ST6GALNAC3: variants seen among roughly 807,000 people sequenced by gnomAD.
ST6GALNAC3 encodes the protein alpha-N-acetylgalactosaminide alpha-2,6-sialyltransferase 3.
ST6GALNAC3 carries 25 observed loss-of-function variants against 32.7 expected under a neutral mutation model. The ratio of observed to expected loss-of-function variants is 0.76; its 90% CI spans 0.56 to 1.07. The LOEUF is 1.07. Among genes scored for constraint, ST6GALNAC3 ranks in the 50% least tolerant of loss-of-function variants. ST6GALNAC3 has a pLI of 0.00. For missense variants in ST6GALNAC3, 355 were observed against 382.4 expected (o/e 0.93, Z 0.60); for synonymous variants, 129 against 133.1 (o/e 0.97, Z 0.21).
intron 1 of ST6GALNAC3, among the ~76,000 whole-genome samples, chr1:76,260,834 G>A (rs1658186463): frequency 6.6e-6 from 1 of 152,010 alleles, no homozygotes; most frequent in Non-Finnish European, 1.5e-5. Flanking sequence ...TTTAAAAGGA[G>A]GTTTTCTTTT....
chr1:76,545,395 T>C (rs942806675), intron 3 of ST6GALNAC3, among the ~76,000 whole-genome samples: 2 of 152,158 alleles, frequency 1.3e-5, no homozygotes, highest in African/African-American at 2.4e-5. Context: ...ATCACAGTAC[T>C]GTCATTCGTC....
At chr1:76,588,140 T>C (rs391393) in intron 3 of ST6GALNAC3, among the ~76,000 whole-genome samples, 25,982 of 152,062 alleles carry the variant, frequency 0.17, 3,098 homozygotes, top group African/African-American at 0.34. Flanking sequence ...CCTAAAGACA[T>C]CCTAAAAGAG....
At chr1:76,481,490 A>G (rs1055635902) in intron 3 of ST6GALNAC3, among the ~76,000 whole-genome samples, 9 of 152,062 alleles carry the variant, frequency 5.9e-5, no homozygotes, top group Non-Finnish European at 1.0e-4. Flanking sequence ...TCATTTTTAG[A>G]CTTCTATATT....
intron 3 of ST6GALNAC3, among the ~76,000 whole-genome samples, chr1:76,525,797 A>ATATATATATACATATATATATATATACG (rs1557528868): frequency 1.8e-5 from 1 of 55,144 alleles, no homozygotes; most frequent in Non-Finnish European, 3.2e-5. Context: ...GTGTGTATAT[A>ATATATATATACATATATATATATATACG]TATATATATA....
intron 1 of ST6GALNAC3, among the ~76,000 whole-genome samples, chr1:76,293,283 C>G (rs554192839): frequency 6.6e-6 from 1 of 152,102 alleles, no homozygotes; most frequent in Non-Finnish European, 1.5e-5. Context: ...GGTGTTGTAT[C>G]TTTTGCAGAT....
chr1:76,247,278 G>T (rs1434676982), intron 1 of ST6GALNAC3, among the ~76,000 whole-genome samples: 2 of 152,170 alleles, frequency 1.3e-5, no homozygotes, highest in Admixed American at 1.3e-4. Flanking sequence ...AGACACAGGG[G>T]TCAGGGACCC....
At chr1:76,561,655 T>C (rs1268150700) in intron 3 of ST6GALNAC3, among the ~76,000 whole-genome samples, 1 of 152,182 alleles carries the variant, frequency 6.6e-6, no homozygotes, top group African/African-American at 2.4e-5. Flanking sequence ...ACTGGAATCC[T>C]CATACACTGC....
Position 76,214,407 on chromosome 1 carries a change from A to AT in ST6GALNAC3, c.19-99388dup, listed in dbSNP as rs375215131. ...ACTCAAAGCAACCTCTTGAAAAAAA[A>AT]TTTTTTTTTTGAGATGGAGTCTCAC... On this transcript the variant is annotated intron_variant, in intron 1 of 4. Transcript: ENST00000328299. 4.3e-3 allele frequency among the ~76,000 whole-genome samples: 646 copies of AT among 151,080 alleles called. 6 individuals carry two copies. The highest frequency in any genetic ancestry group is 0.015 in the African/African-American group (611 of 41,246).
chr1:76,234,816 C>G (rs368392673), intron 1 of ST6GALNAC3, among the ~76,000 whole-genome samples: 6 of 152,308 alleles, frequency 3.9e-5, no homozygotes, highest in African/African-American at 4.8e-5. Context: ...TTCTCTTCCT[C>G]CCAAAGGGTC....
chr1:76,486,205 T>A (rs1660100326), intron 3 of ST6GALNAC3, among the ~76,000 whole-genome samples: 1 of 152,192 alleles, frequency 6.6e-6, no homozygotes. Context: ...ATTTTGTTGA[T>A]TTGGGGTGGA....
At chr1:76,538,104 G>A (rs370364298) in intron 3 of ST6GALNAC3, among the ~76,000 whole-genome samples, 2 of 152,154 alleles carry the variant, frequency 1.3e-5, no homozygotes, top group Middle Eastern at 3.4e-3. Flanking sequence ...GATGAACATC[G>A]ACACAAAAAT....
intron 1 of ST6GALNAC3, among the ~76,000 whole-genome samples, chr1:76,131,805 A>G (rs1375756154): frequency 1.3e-5 from 2 of 152,124 alleles, no homozygotes; most frequent in African/African-American, 2.4e-5. Context: ...GAGGAAGAGG[A>G]GGAGTGTATT....
intron 2 of ST6GALNAC3, among the ~76,000 whole-genome samples, chr1:76,389,404 AAC>A (rs1244395028): frequency 3.3e-5 from 5 of 152,186 alleles, no homozygotes; most frequent in African/African-American, 1.2e-4. Flanking sequence ...TTCAACATGG[AAC>A]AGAAGCCTTG....
intron 3 of ST6GALNAC3, among the ~76,000 whole-genome samples, chr1:76,533,478 G>A (rs191635628): frequency 4.6e-5 from 7 of 152,006 alleles, no homozygotes; most frequent in African/African-American, 7.2e-5. Context: ...TACATCACCC[G>A]CCTGCTCAGG....
intron 1 of ST6GALNAC3, among the ~76,000 whole-genome samples, chr1:76,202,675 G>T (rs1382219424): frequency 6.6e-6 from 1 of 152,190 alleles, no homozygotes; most frequent in Non-Finnish European, 1.5e-5. Flanking sequence ...TTTTCATGCT[G>T]ATAAAACCAT....
At chr1:76,349,301 G>C (rs1367951587) in intron 2 of ST6GALNAC3, among the ~76,000 whole-genome samples, 1 of 152,108 alleles carries the variant, frequency 6.6e-6, no homozygotes, top group East Asian at 1.9e-4. Context: ...TTGTTGTCTA[G>C]GGGAATAAAT....
At chr1:76,405,221 T>C (rs1653736976) in intron 2 of ST6GALNAC3, among the ~76,000 whole-genome samples, 1 of 152,104 alleles carries the variant, frequency 6.6e-6, no homozygotes, top group African/African-American at 2.4e-5. Flanking sequence ...AGAGCCACCT[T>C]AGTGATAAAT....
intron 3 of ST6GALNAC3, among the ~76,000 whole-genome samples, chr1:76,466,588 G>A (rs1215693632): frequency 2.6e-5 from 4 of 152,108 alleles, no homozygotes; most frequent in Admixed American, 1.3e-4. Flanking sequence ...TACATCAAGT[G>A]TTAATATACT....
At chr1:76,541,096 A>G (rs997859512) in intron 3 of ST6GALNAC3, among the ~76,000 whole-genome samples, 6 of 152,212 alleles carry the variant, frequency 3.9e-5, no homozygotes, top group African/African-American at 1.2e-4. Context: ...TCAGGTGAAA[A>G]ATAGCATAGT....
Sources: gnomAD v4.1 joint callset for allele counts (sites outside exome capture counted in the v4.1 genomes callset) on GRCh38, gnomAD v4.1.1 for gene constraint, MANE v1.5 for transcripts, NCBI Gene and HGNC (gene_info 2026-07-23, HGNC 2026-07-21) for gene names.